The following PARD3 variants were observed in gnomAD, a reference collection of about 807,000 sequenced individuals.
PARD3 encodes the protein par-3 family cell polarity regulator, also known as partitioning defective 3 homolog.
Under a neutral mutation model 155.4 loss-of-function variants are expected in PARD3, and 75 were observed. The ratio of observed to expected loss-of-function variants is 0.48; its 90% CI spans 0.40 to 0.58. The LOEUF (loss-of-function observed/expected upper bound fraction) is 0.58. Among genes scored for constraint, PARD3 ranks in the 20% least tolerant of loss-of-function variants. PARD3 has a pLI of 0.00. For missense variants in PARD3, 1,642 were observed against 1,721.7 expected (o/e 0.95, Z 0.82); for synonymous variants, 576 against 610.5 (o/e 0.94, Z 0.83).
chr10:34,388,018 C>T (rs1842518499), intron 7 of PARD3, among the ~76,000 whole-genome samples: 2 of 152,116 alleles, frequency 1.3e-5, no homozygotes, highest in African/African-American at 2.4e-5. Context: ...TAGCAACCAA[C>T]ATTGTTATAA....
chr10:34,411,400 T>C (rs1166435378), intron 5 of PARD3, among the ~76,000 whole-genome samples: 2 of 152,134 alleles, frequency 1.3e-5, no homozygotes, highest in Admixed American at 6.5e-5. Flanking sequence ...AACATTTAAA[T>C]CAGGAAATTG....
At chr10:34,446,523 C>T (rs2076748026) in intron 5 of PARD3, among the ~76,000 whole-genome samples, 1 of 151,996 alleles carries the variant, frequency 6.6e-6, no homozygotes, top group South Asian at 2.1e-4. Flanking sequence ...ATATGGTAAA[C>T]AGCTAGTAAC....
At chr10:34,155,560 C>G (rs374400824) in intron 22 of PARD3, among the ~76,000 whole-genome samples, 1 of 152,070 alleles carries the variant, frequency 6.6e-6, no homozygotes, top group Non-Finnish European at 1.5e-5. Context: ...TACTGGGTAC[C>G]TCTGAAGAAG....
chr10:34,678,883 G>C (rs1006477484), intron 2 of PARD3, among the ~76,000 whole-genome samples: 1 of 151,756 alleles, frequency 6.6e-6, no homozygotes, highest in Non-Finnish European at 1.5e-5. Context: ...GACTTCTGAA[G>C]TGGCTCTCTT....
rs113533786 is a variant in PARD3 at position 34,757,266 on chromosome 10, A to C, written c.120+57610T>G. Among the ~76,000 whole-genome samples the C allele has an allele frequency of 5.4e-3, 830 of 152,340 alleles. 8 individuals carry two copies. The highest frequency in any genetic ancestry group is 0.019 in the African/African-American group (789 of 41,568). On this transcript the variant is annotated intron_variant, in intron 1 of 24. Coordinates refer to ENST00000374788, the MANE Select transcript of PARD3 (RefSeq NM_001184785.2). Reference sequence around the variant, plus strand: ...TTAATTACTAGTCAGCACTAAAAATAAAAAATTTAAGTTCTTATTCTCATC... The same window carrying C: ...TTAATTACTAGTCAGCACTAAAAATCAAAAATTTAAGTTCTTATTCTCATC...
At chr10:34,718,196 A>G (rs919685134) in intron 1 of PARD3, among the ~76,000 whole-genome samples, 1 of 151,998 alleles carries the variant, frequency 6.6e-6, no homozygotes, top group Non-Finnish European at 1.5e-5. Context: ...AGCCATAGGT[A>G]TATGAAAAGG....
chr10:34,484,083 GCAAAAAGCA>G (rs1256708650), intron 3 of PARD3, among the ~76,000 whole-genome samples: 1 of 152,092 alleles, frequency 6.6e-6, no homozygotes, highest in Non-Finnish European at 1.5e-5. Flanking sequence ...AAAATCACCA[GCAAAAAGCA>G]CGAAAAACAT....
intron 5 of PARD3, among the ~76,000 whole-genome samples, chr10:34,412,380 C>T (rs1326794770): frequency 2.6e-5 from 4 of 152,132 alleles, no homozygotes; most frequent in Admixed American, 2.6e-4. Context: ...AAGCGATGTA[C>T]TCTCTTCATT....
chr10:34,678,457 T>A (rs1429193212), intron 2 of PARD3, among the ~76,000 whole-genome samples: 1 of 152,238 alleles, frequency 6.6e-6, no homozygotes, highest in Non-Finnish European at 1.5e-5. Context: ...TTTGCTTTTA[T>A]TCCATTATTT....
chr10:34,759,195 CT>C (rs1171128504), intron 1 of PARD3, among the ~76,000 whole-genome samples: 1 of 148,832 alleles, frequency 6.7e-6, no homozygotes, highest in Admixed American at 6.6e-5. Flanking sequence ...TTTTTTTTTT[CT>C]AATAGGAACC....
intron 5 of PARD3, among the ~76,000 whole-genome samples, chr10:34,431,197 C>T (rs1732000244): frequency 6.6e-6 from 1 of 152,100 alleles, no homozygotes; most frequent in Admixed American, 6.5e-5. Context: ...TGATGCTACC[C>T]CTTCATTTTC....
At chr10:34,452,424 A>T (rs1285231393) in intron 4 of PARD3, among the ~76,000 whole-genome samples, 1 of 152,228 alleles carries the variant, frequency 6.6e-6, no homozygotes, top group Non-Finnish European at 1.5e-5. Context: ...AAAGATAATC[A>T]TACTAAAACT....
chr10:34,553,814 C>G (rs1446868908), intron 2 of PARD3, among the ~76,000 whole-genome samples: 1 of 152,114 alleles, frequency 6.6e-6, no homozygotes, highest in African/African-American at 2.4e-5. Flanking sequence ...GACACTTAAC[C>G]CAACCTTACA....
intron 5 of PARD3, among the ~76,000 whole-genome samples, chr10:34,427,526 G>A (rs1181095143): frequency 6.6e-6 from 1 of 152,152 alleles, no homozygotes; most frequent in Admixed American, 6.5e-5. Flanking sequence ...TGCACAGCGG[G>A]ACATGGAAGT....
intron 2 of PARD3, among the ~76,000 whole-genome samples, chr10:34,527,944 C>G (rs1176799619): frequency 1.3e-5 from 2 of 152,144 alleles, no homozygotes; most frequent in Non-Finnish European, 2.9e-5. Context: ...CTTCAGTATG[C>G]AATACAATAC....
At chr10:34,644,999 G>A (rs998775561) in intron 2 of PARD3, among the ~76,000 whole-genome samples, 29 of 151,986 alleles carry the variant, frequency 1.9e-4, no homozygotes, top group African/African-American at 6.7e-4. Flanking sequence ...GACTACAGGC[G>A]AGTGCCACCA....
intron 20 of PARD3, among the ~76,000 whole-genome samples, chr10:34,303,471 C>CAAAA (rs10647298): frequency 6.8e-6 from 1 of 146,718 alleles, no homozygotes. Flanking sequence ...ACCTCCATTC[C>CAAAA]AAAAAAAAAA....
intron 22 of PARD3, among the ~76,000 whole-genome samples, chr10:34,228,832 T>C (rs894882884): frequency 2.6e-5 from 4 of 152,108 alleles, no homozygotes; most frequent in East Asian, 1.9e-4. Flanking sequence ...ACTCTCTTCA[T>C]CTGTCCCTTT....
Position 34,460,782 on chromosome 10 carries a change from A to G in PARD3, c.582+9303T>C, listed in dbSNP as rs561735219. Among the ~76,000 whole-genome samples the G allele has an allele frequency of 6.9e-4, 105 of 152,182 alleles. 1 individual carries two copies. The South Asian group carries it at 7.9e-3, about 11-fold the overall frequency. On this transcript the variant is annotated intron_variant, in intron 4 of 24. Transcript: ENST00000374788. ...TGGGAGGCAGAGCTTGCAGTGAGCCAAGATCACACCACTGCACTCCGGCCT... is the reference window on the plus strand; with the variant it reads ...TGGGAGGCAGAGCTTGCAGTGAGCCGAGATCACACCACTGCACTCCGGCCT...
Sources: gnomAD v4.1 joint callset for allele counts (sites outside exome capture counted in the v4.1 genomes callset) on GRCh38, gnomAD v4.1.1 for gene constraint, MANE v1.5 for transcripts, NCBI Gene and HGNC (gene_info 2026-07-23, HGNC 2026-07-21) for gene names.